SBNO2: variants seen among roughly 807,000 people sequenced by gnomAD.
SBNO2 encodes the protein strawberry notch homolog 2, also known as protein strawberry notch homolog 2.
Under a neutral mutation model 146.3 loss-of-function variants are expected in SBNO2, and 89 were observed. That is an observed-to-expected ratio of 0.61 (90% confidence interval 0.51 to 0.73). The LOEUF (loss-of-function observed/expected upper bound fraction) is 0.73. Ranked by LOEUF, SBNO2 falls within the 30% of genes least tolerant of loss-of-function variation. The probability of loss-of-function intolerance (pLI) is 0.00; values close to 1 mark genes in which losing one functional copy is unlikely to be tolerated. For missense variants in SBNO2, 2,092 were observed against 2,003.7 expected (o/e 1.04, Z -0.84); for synonymous variants, 1,147 against 892.6 (o/e 1.29, Z -5.08).
chr19:1,122,626 G>A (rs1427356848), intron 9 of SBNO2, 32 bp downstream of exon 9: 51 of 225,746 alleles, frequency 2.3e-4, no homozygotes, highest in Admixed American at 6.0e-4. Flanking sequence ...CCCCACCCCC[G>A]CTCCCGCCCC....
chr19:1,121,653 CCGA>C (rs2079902387), intron 11 of SBNO2, among the ~76,000 whole-genome samples: 2 of 152,196 alleles, frequency 1.3e-5, no homozygotes, highest in Non-Finnish European at 2.9e-5. Context: ...CCGCAGCCTG[CCGA>C]CGAGAGCCCT....
chr19:1,115,273 T>C (rs1251134588), intron 17 of SBNO2: 8 of 147,602 alleles, frequency 5.4e-5, no homozygotes, highest in Admixed American at 5.4e-4. Context: ...CAAGAGTTTT[T>C]TCTGTCACCC....
chr19:1,146,311 G>C (rs2080189358), intron 4 of SBNO2, among the ~76,000 whole-genome samples: 1 of 152,128 alleles, frequency 6.6e-6, no homozygotes, highest in Non-Finnish European at 1.5e-5. Flanking sequence ...ACGGCCCTGA[G>C]TGGGGAAAAC....
intron 4 of SBNO2, among the ~76,000 whole-genome samples, chr19:1,146,413 C>T (rs1314421718): frequency 6.6e-6 from 1 of 152,166 alleles, no homozygotes; most frequent in Non-Finnish European, 1.5e-5. Context: ...TGCAGCCACA[C>T]CTGACCGCTT....
At chr19:1,155,524 C>T (rs1290594692) in intron 1 of SBNO2, among the ~76,000 whole-genome samples, 2 of 152,222 alleles carry the variant, frequency 1.3e-5, no homozygotes, top group Non-Finnish European at 2.9e-5. Flanking sequence ...CCTGCGACAC[C>T]CTTGCCAGAA....
At position 1,107,941 on chromosome 19, in the gene SBNO2, C is replaced by T; in HGVS notation, c.*279G>A. On this transcript the variant is annotated 3_prime_UTR_variant, in exon 32 of 32. Transcript: ENST00000361757. Reference sequence around the variant, plus strand: ...TTTCAAGGGTTTGGGCCCACTGAGCCCTTGTGGGTGCCCAGTCCCAGAGCA... The same window carrying T: ...TTTCAAGGGTTTGGGCCCACTGAGCTCTTGTGGGTGCCCAGTCCCAGAGCA... The T allele has an allele frequency of 7.8e-6, 2 of 257,346 alleles. No homozygotes were observed. The highest frequency in any genetic ancestry group is 1.5e-5 in the Non-Finnish European group (2 of 134,208). The allele number at this position is 257,346 out of a possible 1,614,324, so 15.9% of individuals were successfully genotyped here.
At chr19:1,141,617 G>A (rs1599860127) in intron 4 of SBNO2, among the ~76,000 whole-genome samples, 1 of 151,702 alleles carries the variant, frequency 6.6e-6, no homozygotes. Flanking sequence ...CCCTCCACGC[G>A]TCCATCACGG....
chr19:1,122,368 CAGAGCCTGCCCTGGCTGCTGGCCCA>C, intron 10 of SBNO2, 75 bp downstream of exon 10: 1 of 1,516,460 alleles, frequency 6.6e-7, no homozygotes. Flanking sequence ...GGGTGCTGGG[CAGAGCCTGCCCTGGCTGCTGGCCCA>C]CCCAGCTGAG....
In SBNO2 at chr19:1,114,310, G is replaced by A; in HGVS notation, c.1998C>T (p.Asp666=). ...CCAGGGACTCGGGGGAGGAGTTGAA[G>A]TCGCTGTCCAGGCCAGGGTCCGACT... ...STESDPGLDS[D]FNSSPESLVD... The change falls in exon 18 of 32, where the codon GAC becomes GAT. Residue 666 remains aspartate (D), a synonymous_variant. Coordinates refer to ENST00000361757, the MANE Select transcript of SBNO2 (RefSeq NM_014963.3). 1 of 1,555,906 alleles carries A rather than the reference G, an allele frequency of 6.4e-7. No homozygotes were observed. Among genetic ancestry groups the A allele is most frequent in the Non-Finnish European group, 8.7e-7 (1 of 1,149,844 alleles).
intron 4 of SBNO2, among the ~76,000 whole-genome samples, chr19:1,128,788 C>G (rs1298025211): frequency 6.6e-6 from 1 of 151,348 alleles, no homozygotes; most frequent in East Asian, 2.0e-4. Flanking sequence ...GACAATATGG[C>G]AAAACCCCAT....
At chr19:1,162,786 C>T (rs2080362016) in intron 1 of SBNO2, among the ~76,000 whole-genome samples, 1 of 152,212 alleles carries the variant, frequency 6.6e-6, no homozygotes, top group African/African-American at 2.4e-5. Flanking sequence ...TTTCCCTAGC[C>T]CATGTGAGGA....
In SBNO2 at chr19:1,136,740, G is replaced by A. The variant is rs912141899; in HGVS notation, c.280-8975C>T. 2.6e-5 allele frequency among the ~76,000 whole-genome samples: 4 copies of A among 152,320 alleles called. No homozygotes were observed. Among genetic ancestry groups the A allele is most frequent in the African/African-American group, 7.2e-5 (3 of 41,570 alleles). ...CGAGGCATCTGACCCCTGCTGAAAC[G>A]CATCTGCAGAACAGTCAATGCTGCC... On this transcript the variant is annotated intron_variant, in intron 4 of 31. Transcript: ENST00000361757. This position sits in a 1 kb window ranked among gnomAD's most constrained non-coding sequence, Gnocchi z 4.2.
intron 4 of SBNO2, among the ~76,000 whole-genome samples, chr19:1,130,695 G>A (rs2080018404): frequency 6.6e-6 from 1 of 152,096 alleles, no homozygotes; most frequent in Non-Finnish European, 1.5e-5. Context: ...AGGAGGCTGA[G>A]GTGGGAGGAT....
intron 6 of SBNO2, 26 bp downstream of exon 6, chr19:1,123,916 G>A (rs1485129291): frequency 3.7e-6 from 6 of 1,603,672 alleles, no homozygotes; most frequent in Admixed American, 3.4e-5. Flanking sequence ...GGCAGGGGAG[G>A]GAGCTCTCGG....
At chr19:1,171,632 G>T (rs1472643047) in intron 1 of SBNO2, among the ~76,000 whole-genome samples, 4 of 152,176 alleles carry the variant, frequency 2.6e-5, no homozygotes, top group Non-Finnish European at 5.9e-5. Flanking sequence ...GCTCACTCTG[G>T]CGGTGTTGGC....
At chr19:1,120,690 G>A (rs1389489990) in intron 11 of SBNO2, among the ~76,000 whole-genome samples, 1 of 151,552 alleles carries the variant, frequency 6.6e-6, no homozygotes, top group African/African-American at 2.4e-5. Context: ...TTTTTTTTGA[G>A]ACGAAGTCTC....
rs1217698397 is a variant in SBNO2, at chr19:1,119,897, C to A, written c.1267+9G>T. 12 of 1,538,236 alleles carry A rather than the reference C, an allele frequency of 7.8e-6. No homozygotes were observed. Among genetic ancestry groups the A allele is most frequent in the Non-Finnish European group, 1.1e-5 (12 of 1,140,852 alleles). On this transcript the variant is annotated intron_variant, in intron 12 of 31. Transcript: ENST00000361757. Reference sequence around the variant, plus strand: ...GCGGGTGGGTCACGTGGGATCCGCACCGCCCCACCTGTGGCGCTGGCGTAG... The same window carrying A: ...GCGGGTGGGTCACGTGGGATCCGCAACGCCCCACCTGTGGCGCTGGCGTAG...
rs369593721 is a variant in SBNO2 at position 1,125,597 on chromosome 19, T to C, written c.442-1575A>G. On this transcript the variant is annotated intron_variant, in intron 5 of 31. Coordinates refer to ENST00000361757, the MANE Select transcript of SBNO2 (RefSeq NM_014963.3). ...AGGAGGCAGGAGAATCTCTTGAACC[T>C]GGGAGGTGGAGGGTGCAGTGAGCTG... Among the ~76,000 whole-genome samples, 490 of 151,058 alleles carry C rather than the reference T, an allele frequency of 3.2e-3. 3 individuals carry two copies. Among genetic ancestry groups the C allele is most frequent in the African/African-American group, 0.011 (465 of 41,098 alleles).
chr19:1,113,114 CG>C (rs1324067318), intron 19 of SBNO2, among the ~76,000 whole-genome samples, 165 bp from the exon 20 acceptor site: 1 of 152,174 alleles, frequency 6.6e-6, no homozygotes, highest in East Asian at 1.9e-4. Context: ...TGGACCCAGG[CG>C]ATGTGTGCCT....
Sources: gnomAD v4.1 joint callset for allele counts (sites outside exome capture counted in the v4.1 genomes callset) on GRCh38, gnomAD v4.1.1 for gene constraint, Gnocchi (gnomAD v3.1) non-coding constraint, MANE v1.5 for transcripts, NCBI Gene and HGNC (gene_info 2026-07-23, HGNC 2026-07-21) for gene names.